Variants in ARFGEF2 observed in about 807,000 individuals in gnomAD.
ARFGEF2 encodes the protein brefeldin A-inhibited guanine nucleotide-exchange protein 2.
Under a neutral mutation model 219.9 loss-of-function variants are expected in ARFGEF2, and 74 were observed. The observed-to-expected ratio is 0.34, with a 90% CI of 0.28 to 0.41. The LOEUF is 0.41. ARFGEF2 is among the 10% of genes least tolerant of loss of function. The pLI, the probability that ARFGEF2 is intolerant of heterozygous loss-of-function variation, is 1.00. For missense variants in ARFGEF2, 1,743 were observed against 2,218.3 expected (o/e 0.79, Z 4.30); for synonymous variants, 733 against 799.2 (o/e 0.92, Z 1.40).
rs144046108 is a variant in ARFGEF2, at chr20:48,923,056, A to G, written c.121+1046A>G. On this transcript the variant is annotated intron_variant, in intron 1 of 38. Coordinates refer to ENST00000371917, the MANE Select transcript of ARFGEF2 (RefSeq NM_006420.3). The stretch of plus-strand genomic sequence containing the variant: ...ATCTTTTCCAAGAGGAAAAGTAATC[A>G]GGTGGTCAGGAAAGTAATCTTTTCC... 1.9e-3 allele frequency among the ~76,000 whole-genome samples: 287 copies of G among 152,350 alleles called. 1 individual carries two copies. The highest frequency in any genetic ancestry group is 6.6e-3 in the African/African-American group (274 of 41,574).
At chr20:48,975,964 T>C in intron 13 of ARFGEF2, 52 bp from the exon 14 acceptor site, 1 of 1,595,684 alleles carries the variant, frequency 6.3e-7, no homozygotes, top group Admixed American at 1.7e-5. Context: ...AGCTCGGCTG[T>C]GTCTGTGTCC....
At chr20:49,017,193 G>C in intron 31 of ARFGEF2, 56 bp from the exon 32 acceptor site, 1 of 1,580,826 alleles carries the variant, frequency 6.3e-7, no homozygotes, top group South Asian at 1.1e-5. Context: ...TTTGAGACCT[G>C]GTTGGCATCA....
Position 48,976,100 on chromosome 20 carries a change from C to G in ARFGEF2, c.1859C>G (p.Ser620Cys). ...CGGTGTAGTGTGACGTCCATGGAGT[C>G]CACAGTGTCCTCGGGGACCCAGACA... ...ARRCSVTSME[S>C]TVSSGTQTTV... The change falls in exon 14 of 39, where the codon TCC becomes TGC. Residue 620 changes from serine (S) to cysteine (C), a missense_variant. Ser to Cys is a moderately radical substitution (Grantham distance 112). Transcript: ENST00000371917. 1.9e-6 allele frequency: 3 copies of G among 1,613,608 alleles called. No homozygotes were observed. Among genetic ancestry groups the G allele is most frequent in the Non-Finnish European group, 2.5e-6 (3 of 1,180,016 alleles).
At chr20:48,924,979 A>C (rs1235147133) in intron 1 of ARFGEF2, among the ~76,000 whole-genome samples, 1 of 152,244 alleles carries the variant, frequency 6.6e-6, no homozygotes, top group Non-Finnish European at 1.5e-5. Context: ...AAACCACAGC[A>C]GCTGTAATTA....
intron 1 of ARFGEF2, among the ~76,000 whole-genome samples, chr20:48,931,721 CG>C: frequency 6.6e-6 from 1 of 152,040 alleles, no homozygotes; most frequent in South Asian, 2.1e-4. Flanking sequence ...GCAAAGGCCC[CG>C]GGGCAGAAAT....
chr20:48,975,432 A>C (rs113878528), intron 13 of ARFGEF2, among the ~76,000 whole-genome samples: 37 of 152,242 alleles, frequency 2.4e-4, no homozygotes, highest in Admixed American at 1.1e-3. Flanking sequence ...TTGTAGGGCA[A>C]GTCCTCCTAT....
At chr20:49,013,776 CTGT>C (rs2091514910) in intron 29 of ARFGEF2, 52 bp from the exon 30 acceptor site, 1 of 1,613,930 alleles carries the variant, frequency 6.2e-7, no homozygotes, top group African/African-American at 1.3e-5. Context: ...ACTCTCTTCT[CTGT>C]TGTTCTCTTC....
intron 35 of ARFGEF2, among the ~76,000 whole-genome samples, chr20:49,024,952 C>T (rs571460901): frequency 7.9e-5 from 12 of 152,230 alleles, no homozygotes; most frequent in East Asian, 3.9e-4. Flanking sequence ...GCCAAGATTG[C>T]GCCACTGCAC....
At chr20:48,941,095 C>T (rs1415626568) in intron 1 of ARFGEF2, 104 bp from the exon 2 acceptor site, 1 of 1,045,296 alleles carries the variant, frequency 9.6e-7, no homozygotes, top group Non-Finnish European at 1.5e-6. Context: ...ATTTAAACAT[C>T]TCGTTAACAA....
At position 48,971,316 on chromosome 20, in the gene ARFGEF2, C is replaced by G. The variant is rs1401393228; in HGVS notation, c.1387C>G (p.Leu463Val). ...CTCTCTTGCCATTTTTCTTACTCTT[C>G]TTTCAAACTTTAAAATGCACTTGAA... Reference protein sequence around the residue: ...ELSLAIFLTLLSNFKMHLKMQ... With the variant: ...ELSLAIFLTLVSNFKMHLKMQ... Residue 463 changes from leucine (L) to valine (V), a missense_variant, in exon 10 of 39, where the codon CTT becomes GTT. By Grantham distance (32) the Leu-to-Val change is conservative. Transcript: ENST00000371917. 1.9e-6 allele frequency: 3 copies of G among 1,614,074 alleles called. No individual in the cohort carries two copies. Among genetic ancestry groups the G allele is most frequent in the Admixed American group, 3.3e-5 (2 of 59,996 alleles).
At chr20:49,026,825 A>G (rs2091606727) in intron 36 of ARFGEF2, among the ~76,000 whole-genome samples, 2 of 152,066 alleles carry the variant, frequency 1.3e-5, no homozygotes, top group Admixed American at 1.3e-4. Context: ...ACCTCAAGTA[A>G]TCCACTCATC....
chr20:48,941,632 C>G (rs1457079621), intron 2 of ARFGEF2, among the ~76,000 whole-genome samples: 3 of 152,182 alleles, frequency 2.0e-5, no homozygotes, highest in African/African-American at 7.2e-5. Flanking sequence ...GTGGCTGCCA[C>G]CAGGATTCAG....
chr20:49,017,142 G>C (rs2123536964), intron 31 of ARFGEF2, 107 bp from the exon 32 acceptor site: 5 of 1,158,268 alleles, frequency 4.3e-6, no homozygotes, highest in African/African-American at 3.1e-5. Flanking sequence ...TAAAAGCCTA[G>C]AAACTCACCA....
chr20:49,015,977 AT>A (rs1454287109), intron 30 of ARFGEF2, among the ~76,000 whole-genome samples: 2 of 152,280 alleles, frequency 1.3e-5, no homozygotes, highest in Admixed American at 1.3e-4. Flanking sequence ...GTTGCAGATG[AT>A]TTGCCCACTT....
At chr20:48,944,063 TGA>T (rs2091010185) in intron 3 of ARFGEF2, among the ~76,000 whole-genome samples, 1 of 152,250 alleles carries the variant, frequency 6.6e-6, no homozygotes, top group Admixed American at 6.5e-5. Flanking sequence ...TGAGAATTGA[TGA>T]GAGTTTCTTC....
chr20:48,972,219 G>C (rs1422405045), intron 10 of ARFGEF2, 107 bp from the exon 11 acceptor site: 5 of 770,090 alleles, frequency 6.5e-6, no homozygotes, highest in Admixed American at 3.9e-5. Flanking sequence ...TTCTGCCCAG[G>C]GTGCTTTACT....
intron 36 of ARFGEF2, among the ~76,000 whole-genome samples, chr20:49,026,502 T>C (rs915130387): frequency 9.9e-5 from 15 of 151,884 alleles, no homozygotes; most frequent in Admixed American, 4.6e-4. Context: ...TTTTCCAAGA[T>C]GGTGGTGGGA....
chr20:48,925,583 TC>T (rs1400762397), intron 1 of ARFGEF2, among the ~76,000 whole-genome samples: 3 of 152,164 alleles, frequency 2.0e-5, no homozygotes, highest in Non-Finnish European at 4.4e-5. Flanking sequence ...TGCCTGTAAT[TC>T]CAGCGCTTTA....
chr20:48,953,144 T>G (rs1338040638), intron 5 of ARFGEF2, among the ~76,000 whole-genome samples: 1 of 149,402 alleles, frequency 6.7e-6, no homozygotes, highest in Non-Finnish European at 1.5e-5. Context: ...GCTGGAATTT[T>G]TCTTTCTTTC....
Sources: gnomAD v4.1 joint callset for allele counts (sites outside exome capture counted in the v4.1 genomes callset) on GRCh38, gnomAD v4.1.1 for gene constraint, MANE v1.5 for transcripts, NCBI Gene and HGNC (gene_info 2026-07-23, HGNC 2026-07-21) for gene names.